CADPS2: variants seen among roughly 807,000 people sequenced by gnomAD.
The protein encoded by CADPS2 is calcium-dependent secretion activator 2.
A neutral mutation model predicts 172.5 loss-of-function variants in CADPS2; 93 were observed. That is an observed-to-expected ratio of 0.54 (90% CI 0.46 to 0.64). The LOEUF (loss-of-function observed/expected upper bound fraction) is 0.64. Among genes scored for constraint, CADPS2 ranks in the 30% least tolerant of loss-of-function variants. The pLI is 0.00. For synonymous variants in CADPS2, 546 were observed against 555.2 expected, an observed-to-expected ratio of 0.98 and a Z score of 0.23; for missense variants, 1,420 against 1,565.9, an observed-to-expected ratio of 0.91 and a Z score of 1.57.
Position 122,678,975 on chromosome 7 carries a change from G to A in CADPS2, c.454-15406C>T, listed in dbSNP as rs757474731. On this transcript the variant is annotated intron_variant, in intron 2 of 29. Coordinates refer to ENST00000449022, the MANE Select transcript of CADPS2 (RefSeq NM_017954.11). Reference sequence around the variant, plus strand: ...TTTATCTCTTAATCCCGTCATCTTCGTAAGTTGAGGATGTATGTTGCCCAG... The same window carrying A: ...TTTATCTCTTAATCCCGTCATCTTCATAAGTTGAGGATGTATGTTGCCCAG... Among the ~76,000 whole-genome samples the A allele has an allele frequency of 6.6e-5, 10 of 151,974 alleles. No homozygotes were observed. The South Asian group carries it at 8.3e-4, about 13-fold the overall frequency.
intron 14 of CADPS2, among the ~76,000 whole-genome samples, chr7:122,454,004 C>T (rs1047716804): frequency 5.9e-5 from 9 of 152,126 alleles, no homozygotes; most frequent in African/African-American, 2.2e-4. Context: ...AGAATATATA[C>T]AAGATTAACT....
intron 8 of CADPS2, among the ~76,000 whole-genome samples, chr7:122,538,389 G>A (rs1175132055): frequency 3.0e-5 from 4 of 133,668 alleles, no homozygotes; most frequent in East Asian, 4.3e-4. Context: ...AACACAAGGA[G>A]AAGCTTAATT....
At chr7:122,827,416 G>GGAGGTTGAAGTGGGCGGATCAACT (rs55648500) in intron 1 of CADPS2, among the ~76,000 whole-genome samples, 1 of 151,460 alleles carries the variant, frequency 6.6e-6, no homozygotes, top group African/African-American at 2.4e-5. Flanking sequence ...CAGCACTTTG[G>GGAGGTTGAAGTGGGCGGATCAACT]GAGGTTGGGA....
chr7:122,592,238 T>C (rs1417062599), intron 6 of CADPS2, among the ~76,000 whole-genome samples: 2 of 151,902 alleles, frequency 1.3e-5, no homozygotes, highest in Non-Finnish European at 2.9e-5. Context: ...CATGAAAAAA[T>C]GCTCATCATC....
chr7:122,494,247 A>C (rs1341766562), intron 9 of CADPS2, among the ~76,000 whole-genome samples: 1 of 152,190 alleles, frequency 6.6e-6, no homozygotes, highest in East Asian at 1.9e-4. Flanking sequence ...TTACTGATAC[A>C]GTAGCAAAAG....
At chr7:122,560,323 G>A (rs994753376) in intron 7 of CADPS2, among the ~76,000 whole-genome samples, 1 of 152,236 alleles carries the variant, frequency 6.6e-6, no homozygotes, top group East Asian at 1.9e-4. Context: ...TGGAAGATTA[G>A]GGATAGACTG....
At chr7:122,645,863 TA>T (rs1283094551) in intron 3 of CADPS2, among the ~76,000 whole-genome samples, 1 of 150,578 alleles carries the variant, frequency 6.6e-6, no homozygotes, top group African/African-American at 2.4e-5. Flanking sequence ...TTTTTGCATG[TA>T]ATGAAATATT....
At chr7:122,748,947 T>G (rs2092832827) in intron 1 of CADPS2, among the ~76,000 whole-genome samples, 1 of 152,078 alleles carries the variant, frequency 6.6e-6, no homozygotes, top group Non-Finnish European at 1.5e-5. Flanking sequence ...GTTAGTTAAT[T>G]TAACTCTTAA....
At chr7:122,344,046 C>A (rs181136983) in intron 28 of CADPS2, among the ~76,000 whole-genome samples, 17 of 152,232 alleles carry the variant, frequency 1.1e-4, no homozygotes, top group Non-Finnish European at 2.2e-4. Context: ...AGGGTAGAAA[C>A]ATAAAGCATG....
chr7:122,477,696 A>G (rs2056864192), intron 12 of CADPS2, among the ~76,000 whole-genome samples: 1 of 152,228 alleles, frequency 6.6e-6, no homozygotes, highest in East Asian at 1.9e-4. Context: ...TAAGCTTTAC[A>G]ACATGATGTT....
intron 21 of CADPS2, 43 bp downstream of exon 21, chr7:122,393,398 T>C: frequency 1.2e-6 from 2 of 1,613,054 alleles, no homozygotes; most frequent in Non-Finnish European, 1.7e-6. Context: ...AAGGTCAGGG[T>C]TGAAGAGGCA....
At chr7:122,549,478 A>G (rs561287845) in intron 8 of CADPS2, among the ~76,000 whole-genome samples, 17 of 152,106 alleles carry the variant, frequency 1.1e-4, no homozygotes, top group African/African-American at 4.1e-4. Context: ...AAATTTAGCC[A>G]GGTGTGGTGG....
chr7:122,549,857 A>G (rs1019344486), intron 8 of CADPS2, among the ~76,000 whole-genome samples: 1 of 152,076 alleles, frequency 6.6e-6, no homozygotes, highest in Admixed American at 6.6e-5. Context: ...TAAAAATGAA[A>G]TATCAATTTG....
chr7:122,853,422 C>T (rs1253170192), intron 1 of CADPS2, among the ~76,000 whole-genome samples: 1 of 152,216 alleles, frequency 6.6e-6, no homozygotes, highest in Admixed American at 6.5e-5. Flanking sequence ...TCGCACCAGG[C>T]AGCTCCCTTG....
At chr7:122,774,232 TCAA>T (rs1438626189) in intron 1 of CADPS2, among the ~76,000 whole-genome samples, 3 of 148,140 alleles carry the variant, frequency 2.0e-5, no homozygotes, top group African/African-American at 7.5e-5. Context: ...TCAAGTCTCT[TCAA>T]CAACAAATAT....
intron 1 of CADPS2, among the ~76,000 whole-genome samples, chr7:122,740,793 TAG>T (rs947116686): frequency 1.2e-4 from 19 of 152,098 alleles, no homozygotes; most frequent in Admixed American, 5.9e-4. Context: ...TCTAACCATA[TAG>T]AGAGTTCCTA....
intron 11 of CADPS2, among the ~76,000 whole-genome samples, chr7:122,486,555 A>C (rs1054519835): frequency 6.6e-6 from 1 of 152,224 alleles, no homozygotes; most frequent in Non-Finnish European, 1.5e-5. Context: ...GAAGCAAAGA[A>C]AGTGATTTTT....
intron 4 of CADPS2, among the ~76,000 whole-genome samples, chr7:122,622,799 T>G (rs2075734386): frequency 6.6e-6 from 1 of 152,192 alleles, no homozygotes; most frequent in African/African-American, 2.4e-5. Flanking sequence ...CCTTTACTGT[T>G]GTCTCCCTTG....
intron 6 of CADPS2, among the ~76,000 whole-genome samples, chr7:122,581,662 AAG>A (rs759111034): frequency 3.3e-5 from 5 of 152,268 alleles, no homozygotes; most frequent in East Asian, 3.9e-4. Flanking sequence ...TTGTTTACGT[AAG>A]AGAGAGTTTC....
Sources: gnomAD v4.1 joint callset for allele counts (sites outside exome capture counted in the v4.1 genomes callset) on GRCh38, gnomAD v4.1.1 for gene constraint, MANE v1.5 for transcripts, NCBI Gene and HGNC (gene_info 2026-07-23, HGNC 2026-07-21) for gene names.